CNTNAP3: variants seen among roughly 807,000 people sequenced by gnomAD.
CNTNAP3 encodes the protein contactin associated protein family member 3, also known as contactin-associated protein-like 3.
Under a neutral mutation model 92.1 loss-of-function variants are expected in CNTNAP3, and 36 were observed. That is an observed-to-expected ratio of 0.39 (90% CI 0.30 to 0.52). The LOEUF (loss-of-function observed/expected upper bound fraction) is 0.52. Among genes scored for constraint, CNTNAP3 ranks in the 20% least tolerant of loss-of-function variants. The pLI is 0.76. For missense variants in CNTNAP3, 534 were observed against 1,069.6 expected (o/e 0.50, Z 6.98); for synonymous variants, 232 against 422.3 (o/e 0.55, Z 5.53).
At position 39,137,702 on chromosome 9, in the gene CNTNAP3, G is replaced by C. The variant is rs190577869; in HGVS notation, c.1876+2817C>G. 5.0e-3 allele frequency among the ~76,000 whole-genome samples: 760 copies of C among 151,674 alleles called. 3 individuals carry two copies. The highest frequency in any genetic ancestry group is 9.3e-3 in the Non-Finnish European group (634 of 67,946). On this transcript the variant is annotated intron_variant, in intron 12 of 23. Transcript: ENST00000297668. ...TAATTTTTTTTGTATTTTTAGTAGAGACAGGGTTTCACCGTGTTAGCCAGG... is the reference window on the plus strand; with the variant it reads ...TAATTTTTTTTGTATTTTTAGTAGACACAGGGTTTCACCGTGTTAGCCAGG...
intron 21 of CNTNAP3, among the ~76,000 whole-genome samples, chr9:39,082,669 A>T (rs1283736066): frequency 6.6e-6 from 1 of 152,300 alleles, no homozygotes; most frequent in African/African-American, 2.4e-5. Flanking sequence ...ACATTGAGGG[A>T]TAAGGTCATG....
chr9:39,114,523 G>C (rs1758551), intron 14 of CNTNAP3, among the ~76,000 whole-genome samples: 1 of 151,992 alleles, frequency 6.6e-6, no homozygotes, highest in Non-Finnish European at 1.5e-5. Flanking sequence ...TAATACAGCT[G>C]TATCTGCTTT....
chr9:39,085,877 T>A (rs1479013365), intron 20 of CNTNAP3, 54 bp from the exon 21 acceptor site: 4 of 1,421,950 alleles, frequency 2.8e-6, no homozygotes. Context: ...ATTTTAATGA[T>A]AAGGAAGCAA....
chr9:39,076,829 G>C (rs1400048187), intron 23 of CNTNAP3, among the ~76,000 whole-genome samples: 4 of 152,376 alleles, frequency 2.6e-5, no homozygotes, highest in African/African-American at 9.6e-5. Flanking sequence ...TTAGCCGTGC[G>C]TGGTGGTGGG....
intron 21 of CNTNAP3, among the ~76,000 whole-genome samples, chr9:39,082,226 G>A (rs1825961638): frequency 6.6e-6 from 1 of 151,974 alleles, no homozygotes; most frequent in African/African-American, 2.4e-5. Flanking sequence ...ACATAGGACA[G>A]CACAGACTTT....
intron 12 of CNTNAP3, among the ~76,000 whole-genome samples, chr9:39,133,861 C>T (rs1210131188): frequency 2.0e-5 from 3 of 152,194 alleles, no homozygotes. Flanking sequence ...TCCCACCAGA[C>T]TTGAAGTCAC....
At chr9:39,124,727 C>T (rs867887684) in intron 13 of CNTNAP3, among the ~76,000 whole-genome samples, 1 of 152,024 alleles carries the variant, frequency 6.6e-6, no homozygotes, top group African/African-American at 2.4e-5. Flanking sequence ...CAAAAGAAGA[C>T]ATTTATGCAG....
intron 13 of CNTNAP3, among the ~76,000 whole-genome samples, chr9:39,130,495 C>CTTTTT (rs58074019): frequency 1.7e-4 from 19 of 111,154 alleles, no homozygotes; most frequent in East Asian, 2.7e-4. Flanking sequence ...AGGAGGAATT[C>CTTTTT]TTTTTTTTTT....
chr9:39,254,635 C>T lies in CNTNAP3; in HGVS notation c.196+12261G>A, dbSNP rs1822828972. Among the ~76,000 whole-genome samples, 2 of 21,106 alleles carry T rather than the reference C, an allele frequency of 9.5e-5. 1 individual carries two copies. Among genetic ancestry groups the T allele is most frequent in the African/African-American group, 2.3e-4 (2 of 8,856 alleles). 13.8% of individuals were successfully genotyped at this position (21,106 alleles called of 152,430 possible). A position where few individuals can be genotyped will look rare whatever the true frequency, so the allele number is the denominator to read the frequency against. On this transcript the variant is annotated intron_variant, in intron 2 of 23. Coordinates refer to ENST00000297668, the MANE Select transcript of CNTNAP3 (RefSeq NM_033655.5). ...AATAGTGAAGAGCTCTCCAGGTTGACAATTATGGGAACAATTCTAAAACTA... is the reference window on the plus strand; with the variant it reads ...AATAGTGAAGAGCTCTCCAGGTTGATAATTATGGGAACAATTCTAAAACTA...
intron 13 of CNTNAP3, among the ~76,000 whole-genome samples, chr9:39,126,277 A>G (rs549149269): frequency 1.3e-3 from 194 of 152,300 alleles, no homozygotes; most frequent in African/African-American, 4.4e-3. Flanking sequence ...GTCTCGAGAG[A>G]AACAAAATTT....
At chr9:39,161,792 C>T (rs1036352047) in intron 9 of CNTNAP3, among the ~76,000 whole-genome samples, 5 of 117,000 alleles carry the variant, frequency 4.3e-5, no homozygotes, top group South Asian at 2.8e-4. Flanking sequence ...GAGGCTGTAT[C>T]GTGTCATTGC....
chr9:39,146,647 C>T (rs1821708130), intron 10 of CNTNAP3, among the ~76,000 whole-genome samples: 1 of 152,142 alleles, frequency 6.6e-6, no homozygotes, highest in Non-Finnish European at 1.5e-5. Context: ...CGAGATCGTG[C>T]CACTGCACTC....
At chr9:39,117,152 C>T (rs185547881) in intron 14 of CNTNAP3, among the ~76,000 whole-genome samples, 5 of 151,956 alleles carry the variant, frequency 3.3e-5, no homozygotes, top group East Asian at 1.9e-4. Context: ...CAGCCACACC[C>T]GGCTAATTTT....
intron 21 of CNTNAP3, among the ~76,000 whole-genome samples, chr9:39,081,289 C>T (rs1390621314): frequency 1.3e-5 from 2 of 151,126 alleles, no homozygotes; most frequent in African/African-American, 4.9e-5. Flanking sequence ...ATACAGTTTC[C>T]TGTCTATTAC....
At chr9:39,122,352 C>CA (rs1360343810) in intron 13 of CNTNAP3, among the ~76,000 whole-genome samples, 2 of 151,832 alleles carry the variant, frequency 1.3e-5, no homozygotes, top group Non-Finnish European at 2.9e-5. Flanking sequence ...GAGACTCTCT[C>CA]AAAAAAATTA....
At chr9:39,076,907 A>G (rs1400573712) in intron 23 of CNTNAP3, among the ~76,000 whole-genome samples, 2 of 152,306 alleles carry the variant, frequency 1.3e-5, no homozygotes, top group Non-Finnish European at 2.9e-5. Flanking sequence ...CAGTGAGCCA[A>G]GATGGCGCCA....
chr9:39,152,560 T>C (rs1250078124), intron 9 of CNTNAP3, among the ~76,000 whole-genome samples: 1 of 145,112 alleles, frequency 6.9e-6, no homozygotes, highest in Non-Finnish European at 1.5e-5. Context: ...AGAGGATTAT[T>C]AATTCAATAA....
chr9:39,114,308 A>G (rs1820802274), intron 14 of CNTNAP3, among the ~76,000 whole-genome samples: 1 of 151,874 alleles, frequency 6.6e-6, no homozygotes, highest in South Asian at 2.1e-4. Flanking sequence ...GATGGTCTCG[A>G]TCTTCTGACC....
chr9:39,069,407 C>A lies in CNTNAP3; in HGVS notation c.*4483G>T, dbSNP rs1825588195. On this transcript the variant is annotated 3_prime_UTR_variant, in exon 24 of 24. Coordinates refer to ENST00000297668, the MANE Select transcript of CNTNAP3 (RefSeq NM_033655.5). ...AAGGGCTTTCTTAAATTTTTAGGTA[C>A]CATCACAAGCTAGCTAAGTTAGAAA... 6.6e-6 allele frequency among the ~76,000 whole-genome samples: 1 copy of A among 152,308 alleles called. No homozygotes were observed. Among genetic ancestry groups the A allele is most frequent in the Non-Finnish European group, 1.5e-5 (1 of 68,056 alleles).
Sources: allele counts gnomAD v4.1 joint callset (sites outside exome capture counted in the v4.1 genomes callset), GRCh38; gene constraint gnomAD v4.1.1; transcripts MANE v1.5; gene names NCBI Gene and HGNC (gene_info 2026-07-23, HGNC 2026-07-21).